Variants in FHIP2A observed in about 807,000 individuals in gnomAD.
FHIP2A encodes the protein FHF complex subunit HOOK interacting protein 2A, also known as family with sequence similarity 160 member B1.
A neutral mutation model predicts 93.5 loss-of-function variants in FHIP2A; 46 were observed. That is an observed-to-expected ratio of 0.49 (90% CI 0.39 to 0.63). The LOEUF (loss-of-function observed/expected upper bound fraction) is 0.63. Among genes scored for constraint, FHIP2A ranks in the 20% least tolerant of loss-of-function variants. The pLI, the probability that FHIP2A is intolerant of heterozygous loss-of-function variation, is 0.00. For missense variants in FHIP2A, 769 were observed against 909.7 expected (o/e 0.85, Z 1.99); for synonymous variants, 332 against 326.5 (o/e 1.02, Z -0.18).
chr10:114,846,259 G>A lies in FHIP2A; in HGVS notation c.1290G>A (p.Met430Ile), dbSNP rs754791989. 1.2e-5 allele frequency: 20 copies of A among 1,613,982 alleles called. No homozygotes were observed. The African/African-American group carries it at 2.5e-4, about 20-fold the overall frequency. Residue 430 changes from methionine to isoleucine, a missense_variant, in exon 10 of 17, where the codon ATG becomes ATA. Coordinates refer to ENST00000369248, the MANE Select transcript of FHIP2A (RefSeq NM_020940.4). The part of the protein sequence containing the change: ...QVTSDVLLQE[M>I]VFFILGEQRE... ...CCTCTGATGTTTTGCTTCAAGAAAT[G>A]GTGTTTTTTATCCTTGGAGAACAGA...
chr10:114,899,302 A>C (rs1157083804), intron 16 of FHIP2A, among the ~76,000 whole-genome samples: 3 of 152,208 alleles, frequency 2.0e-5, no homozygotes, highest in African/African-American at 7.2e-5. Context: ...ATTAGTAAAA[A>C]CTTTTTCTGT....
At chr10:114,822,528 A>G (rs1316935619) in intron 1 of FHIP2A, among the ~76,000 whole-genome samples, 1 of 152,140 alleles carries the variant, frequency 6.6e-6, no homozygotes, top group Non-Finnish European at 1.5e-5. Context: ...TCCGGAAAAA[A>G]AGTGGTCAGC....
intron 16 of FHIP2A, among the ~76,000 whole-genome samples, chr10:114,870,994 C>T (rs1238526165): frequency 2.0e-5 from 3 of 151,290 alleles, no homozygotes; most frequent in Non-Finnish European, 4.4e-5. Flanking sequence ...AGCAATGGGT[C>T]CATAGCAATT....
At chr10:114,840,784 G>A (rs1282567861) in intron 5 of FHIP2A, among the ~76,000 whole-genome samples, 4 of 152,138 alleles carry the variant, frequency 2.6e-5, no homozygotes, top group Non-Finnish European at 5.9e-5. Context: ...GATTTTGAGG[G>A]GAAGATGATA....
intron 16 of FHIP2A, among the ~76,000 whole-genome samples, chr10:114,879,303 A>G (rs777810694): frequency 6.6e-6 from 1 of 152,160 alleles, no homozygotes; most frequent in African/African-American, 2.4e-5. Context: ...ACAAACAAAC[A>G]AACAAAAATC....
At chr10:114,847,948 A>G (rs11196953) in intron 12 of FHIP2A, among the ~76,000 whole-genome samples, 62,194 of 152,034 alleles carry the variant, frequency 0.41, 13,331 homozygotes, top group Non-Finnish European at 0.48. Flanking sequence ...ATGAGCCACC[A>G]TGCTGAGTCA....
intron 16 of FHIP2A, among the ~76,000 whole-genome samples, chr10:114,889,785 AG>A (rs1247736887): frequency 3.9e-5 from 6 of 152,284 alleles, no homozygotes; most frequent in Middle Eastern, 3.4e-3. Flanking sequence ...GGGCCCTCCA[AG>A]GGTTGCTCCT....
chr10:114,862,802 C>G lies in FHIP2A; in HGVS notation c.*1262C>G. On this transcript the variant is annotated 3_prime_UTR_variant, in exon 17 of 17. Coordinates refer to ENST00000369248, the MANE Select transcript of FHIP2A (RefSeq NM_020940.4). ...TTTTATTTGACATGTTAAGCCGCAG[C>G]ACTTTCTTCTTCATCTTTCCATTTA... 2 of 985,392 alleles carry G rather than the reference C, an allele frequency of 2.0e-6. No individual in the cohort carries two copies. Among genetic ancestry groups the G allele is most frequent in the Non-Finnish European group, 1.2e-6 (1 of 829,912 alleles). 61.0% of individuals were successfully genotyped at this position (985,392 alleles called of 1,614,324 possible).
chr10:114,834,908 C>G (rs766954502), intron 3 of FHIP2A, among the ~76,000 whole-genome samples: 40 of 152,160 alleles, frequency 2.6e-4, no homozygotes, highest in South Asian at 8.3e-4. Flanking sequence ...CAAAACCTGT[C>G]TATGCAAAGG....
Position 114,827,796 on chromosome 10 carries a change from CA to C in FHIP2A, c.46-3037del, listed in dbSNP as rs1193460267. 4.4e-3 allele frequency among the ~76,000 whole-genome samples: 367 copies of C among 84,094 alleles called. 1 individual carries two copies. Among genetic ancestry groups the C allele is most frequent in the African/African-American group, 0.011 (219 of 20,590 alleles). 55.2% of individuals were successfully genotyped at this position (84,094 alleles called of 152,430 possible). A position where few individuals can be genotyped will look rare whatever the true frequency, so the allele number is the denominator to read the frequency against. On this transcript the variant is annotated intron_variant, in intron 1 of 16. Coordinates refer to ENST00000369248, the MANE Select transcript of FHIP2A (RefSeq NM_020940.4). Reference sequence around the variant, plus strand: ...TGGGTGACAGAGCGAGACTCCATCTCAAAAAAAAAAAAAAAAAAAGAGTATC... The same window carrying C: ...TGGGTGACAGAGCGAGACTCCATCTCAAAAAAAAAAAAAAAAAAGAGTATC...
chr10:114,869,187 G>A (rs2143014061), downstream of FHIP2A, among the ~76,000 whole-genome samples: 1 of 152,262 alleles, frequency 6.6e-6, no homozygotes, highest in East Asian at 1.9e-4. Context: ...AATAACATGA[G>A]AAATGTATTC....
chr10:114,828,083 G>GA (rs1474549701), intron 1 of FHIP2A, among the ~76,000 whole-genome samples: 1 of 151,880 alleles, frequency 6.6e-6, no homozygotes, highest in Non-Finnish European at 1.5e-5. Context: ...AATTAGTAAT[G>GA]AAAGTTTACC....
rs1317874653 is a variant in FHIP2A at position 114,863,171 on chromosome 10, A to G, written c.*1631A>G. 3 of 977,826 alleles carry G rather than the reference A, an allele frequency of 3.1e-6. No homozygotes were observed. Among genetic ancestry groups the G allele is most frequent in the Admixed American group, 6.2e-5 (1 of 16,260 alleles). The allele number at this position is 977,826 out of a possible 1,614,324, so 60.6% of individuals were successfully genotyped here. A position where few individuals can be genotyped will look rare whatever the true frequency, so the allele number is the denominator to read the frequency against. ...AATTTATTAAGTAAAACAAAGAAAA[A>G]ACAGAAGTGGGAGATAGTTATTTTG... On this transcript the variant is annotated 3_prime_UTR_variant, in exon 17 of 17. Coordinates refer to ENST00000369248, the MANE Select transcript of FHIP2A (RefSeq NM_020940.4).
chr10:114,835,795 G>C (rs2083633758), intron 4 of FHIP2A, among the ~76,000 whole-genome samples, 154 bp downstream of exon 4: 4 of 152,036 alleles, frequency 2.6e-5, no homozygotes, highest in African/African-American at 9.7e-5. Context: ...GCATCACATA[G>C]CATTAAGTGT....
chr10:114,833,229 T>C lies in FHIP2A; in HGVS notation c.125-4T>C. 1 of 1,598,700 alleles carries C rather than the reference T, an allele frequency of 6.3e-7. No homozygotes were observed. Among genetic ancestry groups the C allele is most frequent in the East Asian group, 2.2e-5 (1 of 44,682 alleles). ...ATATTTGATGAATGTTTTTTATTGT[T>C]TAGATGATAAAGCCCCAGTGACCGA... On this transcript the variant is annotated splice_polypyrimidine_tract_variant and splice_region_variant and intron_variant, in intron 2 of 16. Coordinates refer to ENST00000369248, the MANE Select transcript of FHIP2A (RefSeq NM_020940.4).
intron 5 of FHIP2A, among the ~76,000 whole-genome samples, chr10:114,837,690 C>T (rs2083644029): frequency 6.6e-6 from 1 of 152,206 alleles, no homozygotes; most frequent in African/African-American, 2.4e-5. Context: ...CCATGATCCT[C>T]TGTAGTCATC....
chr10:114,874,716 C>G (rs960468301), intron 16 of FHIP2A, among the ~76,000 whole-genome samples: 1 of 152,108 alleles, frequency 6.6e-6, no homozygotes, highest in Non-Finnish European at 1.5e-5. Flanking sequence ...GTTAGCCAGG[C>G]TGGTCTCGAA....
In FHIP2A at chr10:114,846,383, A is replaced by G; in HGVS notation, c.1398+16A>G. The G allele has an allele frequency of 6.2e-7, 1 of 1,602,576 alleles. No homozygotes were observed. ...ATCTGATGAGGTAAGCTACGTAATG[A>G]TTTAGAATTGGACTTAGATTCTTTG... On this transcript the variant is annotated intron_variant, in intron 10 of 16. Coordinates refer to ENST00000369248, the MANE Select transcript of FHIP2A (RefSeq NM_020940.4).
intron 1 of FHIP2A, among the ~76,000 whole-genome samples, chr10:114,823,046 T>C (rs944927702): frequency 1.3e-5 from 2 of 152,076 alleles, no homozygotes; most frequent in Non-Finnish European, 2.9e-5. Context: ...AAATGCATTC[T>C]GTGCAGAAAC....
Sources: gnomAD v4.1 joint callset for allele counts (sites outside exome capture counted in the v4.1 genomes callset) on GRCh38, gnomAD v4.1.1 for gene constraint, MANE v1.5 for transcripts, NCBI Gene and HGNC (gene_info 2026-07-23, HGNC 2026-07-21) for gene names.